The following VWA3B variants were observed in gnomAD, a reference collection of about 807,000 sequenced individuals.
VWA3B encodes von Willebrand factor A domain-containing protein 3B.
Under a neutral mutation model 158.3 loss-of-function variants are expected in VWA3B, and 138 were observed. The ratio of observed to expected loss-of-function variants is 0.87; its 90% confidence interval spans 0.76 to 1.00. The LOEUF (loss-of-function observed/expected upper bound fraction) is 1.00. Among genes scored for constraint, VWA3B ranks in the 50% least tolerant of loss-of-function variants. The pLI is 0.00. For missense variants in VWA3B, 1,555 were observed against 1,565.1 expected, an observed-to-expected ratio of 0.99 and a Z score of 0.11; for synonymous variants, 596 against 587.3, an observed-to-expected ratio of 1.01 and a Z score of -0.21.
At chr2:98,095,152 G>A (rs984537352) in intron 2 of VWA3B, among the ~76,000 whole-genome samples, 5 of 152,106 alleles carry the variant, frequency 3.3e-5, no homozygotes, top group African/African-American at 1.2e-4. Context: ...TTTTTTCTAT[G>A]TCTGTGAAGA....
chr2:98,230,593 A>G (rs749161981), intron 16 of VWA3B, among the ~76,000 whole-genome samples: 12 of 152,064 alleles, frequency 7.9e-5, no homozygotes, highest in Non-Finnish European at 1.8e-4. Context: ...TGTTTCCACC[A>G]CTACAGTCAA....
chr2:98,299,720 C>T (rs2105981789), intron 24 of VWA3B, among the ~76,000 whole-genome samples: 1 of 152,294 alleles, frequency 6.6e-6, no homozygotes. Context: ...TGGTGACAGC[C>T]CTTCTGGCAG....
chr2:98,217,590 C>G (rs922451725), intron 13 of VWA3B, among the ~76,000 whole-genome samples: 3 of 152,192 alleles, frequency 2.0e-5, no homozygotes, highest in African/African-American at 7.2e-5. Flanking sequence ...CCGAATCTTT[C>G]TCCTAGCTTC....
chr2:98,212,774 A>G (rs2122756), intron 13 of VWA3B, among the ~76,000 whole-genome samples: 121,907 of 152,148 alleles, frequency 0.8, 49,157 homozygotes, highest in South Asian at 0.89. Context: ...TAGATTTATG[A>G]CAGAACGGGA....
At chr2:98,170,527 C>A (rs1304740685) in intron 8 of VWA3B, among the ~76,000 whole-genome samples, 10 of 151,932 alleles carry the variant, frequency 6.6e-5, no homozygotes, top group Admixed American at 1.3e-4. Context: ...TGCTTATTTT[C>A]ATTAGTATTG....
intron 22 of VWA3B, among the ~76,000 whole-genome samples, chr2:98,275,312 G>T (rs376490525): frequency 1.3e-5 from 2 of 152,234 alleles, no homozygotes; most frequent in Non-Finnish European, 2.9e-5. Context: ...TTAGATACCC[G>T]TGGGGCACAC....
At chr2:98,163,852 G>A (rs1678851599) in intron 8 of VWA3B, among the ~76,000 whole-genome samples, 1 of 152,164 alleles carries the variant, frequency 6.6e-6, no homozygotes, top group Non-Finnish European at 1.5e-5. Flanking sequence ...ATCAGATACT[G>A]AGGGTGGGGC....
At chr2:98,281,834 C>A (rs917958053) in intron 22 of VWA3B, among the ~76,000 whole-genome samples, 17 of 152,128 alleles carry the variant, frequency 1.1e-4, no homozygotes, top group African/African-American at 3.9e-4. Flanking sequence ...CTGCTGGTGT[C>A]ATTGCTCGTG....
Position 98,236,681 on chromosome 2 carries a change from C to T in VWA3B, c.2624C>T (p.Thr875Ile). 1 of 1,614,222 alleles carries T rather than the reference C, an allele frequency of 6.2e-7. No individual in the cohort carries two copies. The highest frequency in any genetic ancestry group is 1.7e-5 in the Admixed American group (1 of 60,032). Residue 875 changes from threonine to isoleucine, a missense_variant, in exon 19 of 28, where the codon ACC (threonine) becomes ATC (isoleucine). Physicochemically the swap from Thr to Ile is moderately conservative, Grantham distance 89 (BLOSUM62 -1). Coordinates refer to ENST00000477737, the MANE Select transcript of VWA3B (RefSeq NM_144992.5). Reference sequence around the variant, plus strand: ...GTGGCAGCAGTCCCGCACAGCTCCACCTATGTTCCCGTCCTGGACAAGCAT... The same window carrying T: ...GTGGCAGCAGTCCCGCACAGCTCCATCTATGTTCCCGTCCTGGACAAGCAT... ...LSVAAVPHSSTYVPVLDKHVV... is the reference protein window; with the variant it reads ...LSVAAVPHSSIYVPVLDKHVV...
chr2:98,164,816 G>C (rs1678929607), intron 8 of VWA3B, among the ~76,000 whole-genome samples: 1 of 151,962 alleles, frequency 6.6e-6, no homozygotes, highest in African/African-American at 2.4e-5. Flanking sequence ...GAAAGACATT[G>C]AGACTACACA....
intron 22 of VWA3B, among the ~76,000 whole-genome samples, chr2:98,279,874 G>A (rs1688767889): frequency 6.6e-6 from 1 of 152,182 alleles, no homozygotes; most frequent in Non-Finnish European, 1.5e-5. Context: ...GCAAGGAAGG[G>A]CAGAGAGCAA....
At chr2:98,328,265 G>A in the VWA3B span, among the ~76,000 whole-genome samples, 1 of 152,220 alleles carries the variant, frequency 6.6e-6, no homozygotes, top group Admixed American at 6.5e-5. Context: ...GTGAATCAAT[G>A]AATGCTTTTC....
Position 98,133,917 on chromosome 2 carries a change from A to G in VWA3B, c.966A>G (p.Lys322=), listed in dbSNP as rs547495620. 6.2e-7 allele frequency: 1 copy of G among 1,614,186 alleles called. No individual in the cohort carries two copies. Among genetic ancestry groups the G allele is most frequent in the East Asian group, 2.2e-5 (1 of 44,872 alleles). Residue 322 remains lysine (K), a synonymous_variant, in exon 7 of 28, where the codon AAA becomes AAG. Transcript: ENST00000477737. ...ATGTGATGACTTGGAATTCAAGGAAACTGAAAGGAAAACTCCCTCCAGGTA... is the reference window on the plus strand; with the variant it reads ...ATGTGATGACTTGGAATTCAAGGAAGCTGAAAGGAAAACTCCCTCCAGGTA... ...GDNVMTWNSR[K]LKGKLPPGAG...
intron 20 of VWA3B, among the ~76,000 whole-genome samples, chr2:98,250,924 C>A (rs774203370): frequency 1.3e-5 from 2 of 151,514 alleles, no homozygotes; most frequent in Non-Finnish European, 2.9e-5. Flanking sequence ...AAATAAAATT[C>A]TGTGATGAAA....
chr2:98,092,178 G>A (rs1682345921), intron 1 of VWA3B, among the ~76,000 whole-genome samples: 1 of 152,194 alleles, frequency 6.6e-6, no homozygotes, highest in Non-Finnish European at 1.5e-5. Flanking sequence ...CTCCCAATTA[G>A]CCACTACACC....
intron 25 of VWA3B, 29 bp from the exon 26 acceptor site, chr2:98,303,673 T>C (rs768731100): frequency 1.6e-5 from 26 of 1,598,346 alleles, no homozygotes; most frequent in Non-Finnish European, 2.1e-5. Flanking sequence ...CTGATTTAAG[T>C]TGAGTGAACT....
At position 98,230,139 on chromosome 2, in the gene VWA3B, T is replaced by C; in HGVS notation, c.2240T>C (p.Leu747Pro). Residue 747 changes from leucine (L) to proline (P), a missense_variant, in exon 16 of 28, where the codon CTG becomes CCG. Transcript: ENST00000477737. ...SDVDSTQTSS[L>P]NMLKGPWGLS... Reference sequence around the variant, plus strand: ...GTCGATTCAACACAAACTTCATCTCTGAATATGTTGAAGGGACCATGGGGC... The same window carrying C: ...GTCGATTCAACACAAACTTCATCTCCGAATATGTTGAAGGGACCATGGGGC... 6.2e-7 allele frequency: 1 copy of C among 1,611,722 alleles called. No homozygotes were observed.
At chr2:98,247,921 A>G (rs952431760) in intron 19 of VWA3B, among the ~76,000 whole-genome samples, 2 of 152,034 alleles carry the variant, frequency 1.3e-5, no homozygotes, top group Admixed American at 6.5e-5. Context: ...AAGTTTCTCA[A>G]TCATCATCTA....
At chr2:98,090,304 A>G (rs1682186759) in intron 1 of VWA3B, among the ~76,000 whole-genome samples, 1 of 152,180 alleles carries the variant, frequency 6.6e-6, no homozygotes, top group East Asian at 1.9e-4. Flanking sequence ...GCTCAGTATG[A>G]TTGGAGACTT....
Sources: gnomAD v4.1 joint callset for allele counts (sites outside exome capture counted in the v4.1 genomes callset) on GRCh38, gnomAD v4.1.1 for gene constraint, MANE v1.5 for transcripts, NCBI Gene and HGNC (gene_info 2026-07-23, HGNC 2026-07-21) for gene names.